CACNA1A: variants seen among roughly 807,000 people sequenced by gnomAD.
CACNA1A encodes voltage-dependent P/Q-type calcium channel subunit alpha-1A.
In CACNA1A, 57 loss-of-function variants were observed where a neutral mutation model predicts 262.4. That is an observed-to-expected ratio of 0.22 (90% confidence interval 0.18 to 0.27). The LOEUF is 0.27. CACNA1A is among the 10% of genes least tolerant of loss of function. The pLI is 1.00. For missense variants in CACNA1A, 2,526 were observed against 3,562.8 expected, an observed-to-expected ratio of 0.71 and a Z score of 7.41; for synonymous variants, 1,431 against 1,419.3, an observed-to-expected ratio of 1.01 and a Z score of -0.18.
At chr19:13,330,393 T>C (rs568941807) in intron 9 of CACNA1A, 60 bp from the exon 10 acceptor site, 3 of 1,191,174 alleles carry the variant, frequency 2.5e-6, no homozygotes, top group African/African-American at 3.0e-5. Flanking sequence ...ACACAGACCA[T>C]ATGGACACAG....
At chr19:13,442,386 A>G (rs1325032146) in intron 3 of CACNA1A, among the ~76,000 whole-genome samples, 1 of 152,152 alleles carries the variant, frequency 6.6e-6, no homozygotes, top group Non-Finnish European at 1.5e-5. Flanking sequence ...GAGGGATGCT[A>G]CCGAGGTTGT....
chr19:13,393,794 C>A (rs2059760783), intron 3 of CACNA1A, among the ~76,000 whole-genome samples: 1 of 100,332 alleles, frequency 1.0e-5, no homozygotes, highest in Admixed American at 1.1e-4. Context: ...TCCTTCCTTC[C>A]TTCCCTCCCT....
chr19:13,223,946 G>T (rs1452651972), intron 38 of CACNA1A, among the ~76,000 whole-genome samples: 2 of 152,120 alleles, frequency 1.3e-5, no homozygotes, highest in South Asian at 4.1e-4. Context: ...TGGGAGGACT[G>T]CTTGAGCCCA....
At chr19:13,469,816 C>T (rs1004341175) in intron 1 of CACNA1A, among the ~76,000 whole-genome samples, 8 of 151,800 alleles carry the variant, frequency 5.3e-5, no homozygotes, top group African/African-American at 1.5e-4. Flanking sequence ...TGCAAACCAA[C>T]GTCCATCCCA....
intron 6 of CACNA1A, among the ~76,000 whole-genome samples, chr19:13,352,484 C>T (rs2058931110): frequency 6.6e-6 from 1 of 151,882 alleles, no homozygotes; most frequent in South Asian, 2.1e-4. Flanking sequence ...ATCAAGATTC[C>T]CAAATCCCAC....
Position 13,335,740 on chromosome 19 carries a change from C to T in CACNA1A, c.1082+66G>A, listed in dbSNP as rs376042371. On this transcript the variant is annotated intron_variant, in intron 7 of 46. Coordinates refer to ENST00000360228, the MANE Select transcript of CACNA1A (RefSeq NM_001127222.2). ...TGAATGAAAACAAAGCTTCAATGGC[C>T]TCTACTTGGAAAGAAGTTAGCAAAG... is the stretch of plus-strand genomic sequence containing the variant. 2.3e-5 allele frequency: 24 copies of T among 1,031,020 alleles called. No individual in the cohort carries two copies. In the African/African-American group the frequency reaches 3.6e-4, roughly 16 times the overall value. 63.9% of individuals were successfully genotyped at this position (1,031,020 alleles called of 1,614,324 possible).
At chr19:13,371,856 TC>T in intron 3 of CACNA1A, 77 bp from the exon 4 acceptor site, 1 of 1,030,046 alleles carries the variant, frequency 9.7e-7, no homozygotes, top group Non-Finnish European at 1.5e-6. Flanking sequence ...TGCTTGGGAT[TC>T]CAAGCTGTCC....
intron 3 of CACNA1A, among the ~76,000 whole-genome samples, chr19:13,424,257 T>C (rs1055310815): frequency 7.9e-5 from 12 of 152,036 alleles, no homozygotes; most frequent in Non-Finnish European, 1.3e-4. Flanking sequence ...TAATCCCAGC[T>C]ACTCAGGAGG....
intron 3 of CACNA1A, among the ~76,000 whole-genome samples, chr19:13,433,402 A>C (rs368416119): frequency 2.0e-5 from 3 of 147,900 alleles, no homozygotes; most frequent in East Asian, 2.0e-4. Flanking sequence ...TCAAGGCTGC[A>C]ATAAGCCATG....
chr19:13,468,406 C>T (rs557514873), intron 1 of CACNA1A, among the ~76,000 whole-genome samples: 1 of 152,232 alleles, frequency 6.6e-6, no homozygotes, highest in South Asian at 2.1e-4. Context: ...TCCTCTCTGG[C>T]AATAGTGACA....
intron 1 of CACNA1A, among the ~76,000 whole-genome samples, chr19:13,459,825 G>C (rs1011153891): frequency 3.3e-5 from 5 of 152,176 alleles, no homozygotes; most frequent in Admixed American, 2.0e-4. Flanking sequence ...GAAGGTTCCA[G>C]GAAGAGTCCC....
In CACNA1A at chr19:13,230,212, G is replaced by T. The variant is rs375947967; in HGVS notation, c.5401-3C>A. Reference sequence around the variant, plus strand: ...ACGGCGACAAAGAGATTCAGCATCTGTGGGGACCCCGGGGACCAAGAGAGA... The same window carrying T: ...ACGGCGACAAAGAGATTCAGCATCTTTGGGGACCCCGGGGACCAAGAGAGA... On this transcript the variant is annotated splice_polypyrimidine_tract_variant and splice_region_variant and intron_variant, in intron 35 of 46. Transcript: ENST00000360228. The T allele has an allele frequency of 1.9e-6, 3 of 1,613,888 alleles. No individual in the cohort carries two copies. Among genetic ancestry groups the T allele is most frequent in the South Asian group, 2.2e-5 (2 of 91,072 alleles).
At chr19:13,316,952 G>A in intron 11 of CACNA1A, 160 bp downstream of exon 11, 3 of 568,344 alleles carry the variant, frequency 5.3e-6, no homozygotes. Flanking sequence ...CATAGCAACA[G>A]TAACATTGGC....
chr19:13,228,658 C>G (rs2055559519), intron 36 of CACNA1A: 17 of 909,436 alleles, frequency 1.9e-5, no homozygotes, highest in Non-Finnish European at 2.4e-5. Flanking sequence ...CCAAGCCACA[C>G]TCATTCCATG....
At chr19:13,436,191 G>C (rs553729239) in intron 3 of CACNA1A, among the ~76,000 whole-genome samples, 48 of 152,270 alleles carry the variant, frequency 3.2e-4, no homozygotes, top group African/African-American at 1.1e-3. Context: ...CTGAGCCTTC[G>C]CTTTTTCGAA....
At chr19:13,350,466 C>T (rs559539439) in intron 6 of CACNA1A, among the ~76,000 whole-genome samples, 1 of 152,298 alleles carries the variant, frequency 6.6e-6, no homozygotes, top group South Asian at 2.1e-4. Context: ...ATAATTACCC[C>T]TTTACTTCCT....
At position 13,464,820 on chromosome 19, in the gene CACNA1A, T is replaced by C. The variant is rs187696061; in HGVS notation, c.294-9608A>G. Among the ~76,000 whole-genome samples the C allele has an allele frequency of 7.2e-3, 1,095 of 152,280 alleles. 7 individuals carry two copies. Among genetic ancestry groups the C allele is most frequent in the African/African-American group, 0.024 (1,004 of 41,558 alleles). On this transcript the variant is annotated intron_variant, in intron 1 of 46. Transcript: ENST00000360228. ...ACCTTGGCCTCCCAAAGTGCTGGGA[T>C]TACAGGCGTGAGCCACTGCGCCCGG...
At chr19:13,384,496 G>A (rs962545693) in intron 3 of CACNA1A, among the ~76,000 whole-genome samples, 3 of 152,136 alleles carry the variant, frequency 2.0e-5, no homozygotes, top group Non-Finnish European at 4.4e-5. Flanking sequence ...TTAGGAGTTC[G>A]AGATCAGCCT....
chr19:13,409,238 G>C (rs2060067187), intron 3 of CACNA1A, among the ~76,000 whole-genome samples: 1 of 152,174 alleles, frequency 6.6e-6, no homozygotes, highest in Non-Finnish European at 1.5e-5. Context: ...GAGGCGAAGA[G>C]AGTTCTGGGA....
Sources: allele counts gnomAD v4.1 joint callset (sites outside exome capture counted in the v4.1 genomes callset), GRCh38; gene constraint gnomAD v4.1.1; transcripts MANE v1.5; gene names NCBI Gene and HGNC (gene_info 2026-07-23, HGNC 2026-07-21).